Variants in ARHGAP44 observed in about 807,000 individuals in gnomAD.
The protein encoded by ARHGAP44 is rho GTPase-activating protein 44.
In ARHGAP44, 43 loss-of-function variants were observed where a neutral mutation model predicts 106.8. That is an observed-to-expected ratio of 0.40 (90% CI 0.32 to 0.52). The LOEUF (loss-of-function observed/expected upper bound fraction) is 0.52. Among genes scored for constraint, ARHGAP44 ranks in the 20% least tolerant of loss-of-function variants. ARHGAP44 has a pLI of 0.48. For synonymous variants in ARHGAP44, 439 were observed against 410.3 expected, an observed-to-expected ratio of 1.07 and a Z score of -0.85; for missense variants, 866 against 1,050.5, an observed-to-expected ratio of 0.82 and a Z score of 2.43.
intron 1 of ARHGAP44, among the ~76,000 whole-genome samples, chr17:12,804,986 G>A (rs2034230202): frequency 6.6e-6 from 1 of 152,146 alleles, no homozygotes; most frequent in Admixed American, 6.5e-5. Context: ...TATGTTCTAA[G>A]TTCTCTGCTA....
chr17:12,876,043 T>TG (rs2036547841), intron 1 of ARHGAP44, among the ~76,000 whole-genome samples: 1 of 152,238 alleles, frequency 6.6e-6, no homozygotes, highest in African/African-American at 2.4e-5. Flanking sequence ...AACTGCTTTC[T>TG]CGAGCTAGAA....
chr17:12,863,206 T>A (rs1207411608), intron 1 of ARHGAP44, among the ~76,000 whole-genome samples: 1 of 152,126 alleles, frequency 6.6e-6, no homozygotes, highest in Non-Finnish European at 1.5e-5. Context: ...CTAATTTCCT[T>A]ACTTAACAGA....
chr17:12,973,352 C>T (rs773952598), intron 17 of ARHGAP44, 33 bp downstream of exon 17: 4 of 1,599,926 alleles, frequency 2.5e-6, no homozygotes, highest in South Asian at 1.1e-5. Flanking sequence ...TGAGGCCATG[C>T]TCAGTCTCTT....
rs144231947 is a variant in ARHGAP44, at chr17:12,961,576, A to T, written c.1523+2679A>T. 3.6e-3 allele frequency among the ~76,000 whole-genome samples: 547 copies of T among 152,300 alleles called. 1 individual carries two copies. Among genetic ancestry groups the T allele is most frequent in the Non-Finnish European group, 6.6e-3 (450 of 68,028 alleles). Reference sequence around the variant, plus strand: ...AGGCAGAAACCCCGTCTCTACTAAAAATACAAAATTAGCCCGGTATGATGG... The same window carrying T: ...AGGCAGAAACCCCGTCTCTACTAAATATACAAAATTAGCCCGGTATGATGG... On this transcript the variant is annotated intron_variant, in intron 16 of 20. Coordinates refer to ENST00000379672, the MANE Select transcript of ARHGAP44 (RefSeq NM_014859.6).
intron 1 of ARHGAP44, among the ~76,000 whole-genome samples, chr17:12,863,984 C>T (rs1160349517): frequency 6.6e-6 from 1 of 152,204 alleles, no homozygotes; most frequent in Non-Finnish European, 1.5e-5. Flanking sequence ...CCTCATGTGG[C>T]CACGCCATGT....
intron 4 of ARHGAP44, among the ~76,000 whole-genome samples, chr17:12,911,630 T>C (rs575182811): frequency 6.6e-6 from 1 of 152,290 alleles, no homozygotes; most frequent in South Asian, 2.1e-4. Context: ...ATCACTAAAC[T>C]CTGCCCCAAC....
intron 1 of ARHGAP44, among the ~76,000 whole-genome samples, chr17:12,842,462 A>AG (rs397957129): frequency 1.3e-5 from 2 of 151,518 alleles, no homozygotes; most frequent in African/African-American, 2.4e-5. Flanking sequence ...AAAGAAAAAA[A>AG]TCATCCCAGG....
At chr17:12,892,726 A>G (rs1422030400) in intron 1 of ARHGAP44, among the ~76,000 whole-genome samples, 1 of 146,740 alleles carries the variant, frequency 6.8e-6, no homozygotes, top group Non-Finnish European at 1.5e-5. Context: ...AATTGCTGTT[A>G]TGCTTCCTCC....
chr17:12,794,589 G>A (rs1288495892), intron 1 of ARHGAP44, among the ~76,000 whole-genome samples: 2 of 152,164 alleles, frequency 1.3e-5, no homozygotes, highest in South Asian at 4.1e-4. Context: ...GTGGGTGTGC[G>A]GGAAGGAGAA....
intron 1 of ARHGAP44, among the ~76,000 whole-genome samples, chr17:12,813,317 T>A (rs931018300): frequency 2.6e-5 from 4 of 151,182 alleles, no homozygotes; most frequent in African/African-American, 4.9e-5. Flanking sequence ...TTTTTTTTTT[T>A]AGAAAGATAA....
intron 16 of ARHGAP44, among the ~76,000 whole-genome samples, chr17:12,965,298 G>A (rs1191226442): frequency 6.6e-6 from 1 of 152,174 alleles, no homozygotes. Flanking sequence ...CTCCACCGTG[G>A]TCTGATCCTC....
At chr17:12,902,212 G>C (rs1278449851) in intron 3 of ARHGAP44, among the ~76,000 whole-genome samples, 2 of 152,048 alleles carry the variant, frequency 1.3e-5, no homozygotes, top group Admixed American at 6.6e-5. Context: ...CTTCCCCTCT[G>C]TCATCATTCT....
chr17:12,894,666 C>T (rs1483992213), intron 1 of ARHGAP44, among the ~76,000 whole-genome samples: 1 of 152,032 alleles, frequency 6.6e-6, no homozygotes, highest in Non-Finnish European at 1.5e-5. Flanking sequence ...AAAATATATA[C>T]ATATCTGGAA....
chr17:12,823,866 C>G (rs1445917417), intron 1 of ARHGAP44, among the ~76,000 whole-genome samples: 1 of 152,120 alleles, frequency 6.6e-6, no homozygotes, highest in African/African-American at 2.4e-5. Flanking sequence ...GACCCTGTTG[C>G]TCTACCAAAC....
chr17:12,868,254 C>G (rs545115293), intron 1 of ARHGAP44, among the ~76,000 whole-genome samples: 147 of 152,184 alleles, frequency 9.7e-4, no homozygotes, highest in African/African-American at 3.4e-3. Flanking sequence ...ATCCTTGTCA[C>G]TTCCTCTTCT....
intron 1 of ARHGAP44, among the ~76,000 whole-genome samples, chr17:12,845,734 G>C (rs2035552838): frequency 6.6e-6 from 1 of 152,152 alleles, no homozygotes; most frequent in Non-Finnish European, 1.5e-5. Flanking sequence ...AATTGGTTGA[G>C]TATCCCACCA....
chr17:12,896,129 G>A (rs949019059), intron 2 of ARHGAP44, among the ~76,000 whole-genome samples: 6 of 124,764 alleles, frequency 4.8e-5, no homozygotes, highest in African/African-American at 1.8e-4. Flanking sequence ...GGGAGGGGGA[G>A]GGATAGCATT....
chr17:12,853,605 CAG>C lies in ARHGAP44; in HGVS notation c.54-41333_54-41332del, dbSNP rs1171826366. Among the ~76,000 whole-genome samples the C allele has an allele frequency of 2.0e-5, 3 of 152,306 alleles. No homozygotes were observed. In the East Asian group the frequency reaches 5.8e-4, roughly 29 times the overall value. ...CTGGGGCAGGAGCGAGGCGTCCTAT[CAG>C]AAACTGTTTTTATCACTGACTGTTC... On this transcript the variant is annotated intron_variant, in intron 1 of 20. Transcript: ENST00000379672.
intron 13 of ARHGAP44, 95 bp downstream of exon 13, chr17:12,952,676 G>GA: frequency 5.1e-6 from 4 of 784,216 alleles, no homozygotes; most frequent in Non-Finnish European, 8.1e-6. Flanking sequence ...TAACTACCAT[G>GA]CATAGCATTT....
Sources: allele counts gnomAD v4.1 joint callset (sites outside exome capture counted in the v4.1 genomes callset), GRCh38; gene constraint gnomAD v4.1.1; transcripts MANE v1.5; gene names NCBI Gene and HGNC (gene_info 2026-07-23, HGNC 2026-07-21).